PDE4D: variants seen among roughly 807,000 people sequenced by gnomAD.
PDE4D encodes the protein 3',5'-cyclic-AMP phosphodiesterase 4D.
In PDE4D, 24 loss-of-function variants were observed where a neutral mutation model predicts 87.4. The observed-to-expected ratio is 0.27, with a 90% CI of 0.20 to 0.39. PDE4D has a LOEUF of 0.39. PDE4D is among the 10% of genes least tolerant of loss of function. The pLI is 1.00. For missense variants in PDE4D, 714 were observed against 1,041.0 expected, an observed-to-expected ratio of 0.69 and a Z score of 4.32; for synonymous variants, 384 against 383.2, an observed-to-expected ratio of 1.00 and a Z score of -0.02.
intron 1 of PDE4D, among the ~76,000 whole-genome samples, chr5:59,764,041 C>T (rs1162913519): frequency 6.6e-6 from 1 of 152,102 alleles, no homozygotes; most frequent in East Asian, 1.9e-4. Context: ...TTGCAGTGGG[C>T]AGAGAAGAGA....
At chr5:59,161,540 C>T (rs1781096061) in intron 5 of PDE4D, among the ~76,000 whole-genome samples, 1 of 152,052 alleles carries the variant, frequency 6.6e-6, no homozygotes, top group South Asian at 2.1e-4. Context: ...AAAAGAGATC[C>T]TAAATGTTTC....
At chr5:59,825,343 T>C (rs1770198434) in intron 1 of PDE4D, among the ~76,000 whole-genome samples, 1 of 152,244 alleles carries the variant, frequency 6.6e-6, no homozygotes, top group African/African-American at 2.4e-5. Flanking sequence ...TGCCTTCTCA[T>C]AGCACTCATA....
chr5:60,090,167 C>T (rs1217708178), intron 2 of PDE4D, among the ~76,000 whole-genome samples: 1 of 151,760 alleles, frequency 6.6e-6, no homozygotes, highest in African/African-American at 2.4e-5. Flanking sequence ...AACTATACTT[C>T]TAAACTCATC....
chr5:59,309,189 T>A (rs540983712), intron 1 of PDE4D, among the ~76,000 whole-genome samples: 4 of 152,136 alleles, frequency 2.6e-5, no homozygotes, highest in Non-Finnish European at 4.4e-5. Flanking sequence ...ACCTCCCAGC[T>A]GTGAATGAAA....
At chr5:60,046,525 T>C (rs1354838629) in intron 2 of PDE4D, among the ~76,000 whole-genome samples, 1 of 152,182 alleles carries the variant, frequency 6.6e-6, no homozygotes, top group East Asian at 1.9e-4. Context: ...GCTCTTATTA[T>C]TTTGAAATAC....
At chr5:59,854,326 A>C (rs1425420444) in intron 1 of PDE4D, among the ~76,000 whole-genome samples, 1 of 152,066 alleles carries the variant, frequency 6.6e-6, no homozygotes, top group African/African-American at 2.4e-5. Context: ...TCTATTGAAA[A>C]TCATTACATT....
chr5:59,661,074 T>TTTTATATATATATA (rs1554054981), intron 1 of PDE4D, among the ~76,000 whole-genome samples: 2 of 140,082 alleles, frequency 1.4e-5, no homozygotes, highest in African/African-American at 5.4e-5. Context: ...CATGATAATA[T>TTTTATATATATATA]TATATATATA....
intron 1 of PDE4D, among the ~76,000 whole-genome samples, chr5:60,214,902 T>A (rs113459524): frequency 0.014 from 2,074 of 152,322 alleles, 22 homozygotes; most frequent in Middle Eastern, 0.034. Context: ...TCATCTGAAA[T>A]GTAACAGGTG....
intron 1 of PDE4D, among the ~76,000 whole-genome samples, chr5:60,291,253 T>A (rs1472952036): frequency 2.6e-5 from 4 of 152,212 alleles, no homozygotes; most frequent in African/African-American, 9.6e-5. Flanking sequence ...TTCCTTTAGT[T>A]GTAGTTTTAA....
intron 1 of PDE4D, among the ~76,000 whole-genome samples, chr5:59,733,854 T>C (rs1189219692): frequency 2.6e-5 from 4 of 152,120 alleles, no homozygotes; most frequent in African/African-American, 9.6e-5. Flanking sequence ...TTTTAAATGC[T>C]GAAATAATTA....
At chr5:60,493,583 ATCATTCATTCATTCATTCAT>A (rs56333350) in intron 1 of PDE4D, among the ~76,000 whole-genome samples, 6 of 149,560 alleles carry the variant, frequency 4.0e-5, no homozygotes, top group Non-Finnish European at 8.9e-5. Context: ...TCTATACACA[ATCATTCATTCATTCATTCAT>A]TCATTCATTC....
At chr5:59,603,201 C>G (rs1827755020) in intron 1 of PDE4D, among the ~76,000 whole-genome samples, 2 of 151,940 alleles carry the variant, frequency 1.3e-5, no homozygotes, top group Non-Finnish European at 2.9e-5. Flanking sequence ...AAATAATCAA[C>G]TGAGTGAAGA....
chr5:60,441,063 C>A (rs939245636), intron 1 of PDE4D, among the ~76,000 whole-genome samples: 4 of 151,862 alleles, frequency 2.6e-5, no homozygotes, highest in African/African-American at 9.7e-5. Context: ...TAAAGAATAT[C>A]CTAGAGAAGA....
At chr5:59,258,258 G>C (rs1039516193) in intron 1 of PDE4D, among the ~76,000 whole-genome samples, 2 of 151,784 alleles carry the variant, frequency 1.3e-5, no homozygotes, top group African/African-American at 2.4e-5. Context: ...CAGCCACAAA[G>C]AGACACACAG....
At chr5:59,598,311 T>TC (rs1826998253) in intron 1 of PDE4D, among the ~76,000 whole-genome samples, 1 of 152,198 alleles carries the variant, frequency 6.6e-6, no homozygotes, top group South Asian at 2.1e-4. Context: ...TCACTGACCC[T>TC]CCCTTTCCCT....
intron 1 of PDE4D, among the ~76,000 whole-genome samples, chr5:59,372,976 CA>C (rs766816335): frequency 6.6e-6 from 1 of 151,450 alleles, no homozygotes; most frequent in Non-Finnish European, 1.5e-5. Context: ...CCTAATACCA[CA>C]ATCAAACCCT....
intron 5 of PDE4D, among the ~76,000 whole-genome samples, chr5:59,140,554 CAG>C (rs1365297574): frequency 2.0e-5 from 3 of 152,134 alleles, no homozygotes; most frequent in Admixed American, 6.5e-5. Flanking sequence ...AAACCAAAAT[CAG>C]AGAGTGTTGA....
At chr5:59,689,734 G>A (rs912879143) in intron 1 of PDE4D, among the ~76,000 whole-genome samples, 1 of 152,278 alleles carries the variant, frequency 6.6e-6, no homozygotes, top group South Asian at 2.1e-4. Flanking sequence ...AATCAGGCAG[G>A]AGAAAGAAAT....
intron 1 of PDE4D, among the ~76,000 whole-genome samples, chr5:60,400,540 A>AG (rs1478318221): frequency 2.0e-5 from 3 of 151,382 alleles, no homozygotes; most frequent in Non-Finnish European, 2.9e-5. Context: ...AAAAAAAAAA[A>AG]AAAAGAAATA....
Sources: gnomAD v4.1 joint callset for allele counts (sites outside exome capture counted in the v4.1 genomes callset) on GRCh38, gnomAD v4.1.1 for gene constraint, MANE v1.5 for transcripts, NCBI Gene and HGNC (gene_info 2026-07-23, HGNC 2026-07-21) for gene names.